STAU2: variants seen among roughly 807,000 people sequenced by gnomAD.
STAU2 encodes the protein double-stranded RNA-binding protein Staufen homolog 2.
A neutral mutation model predicts 65.9 loss-of-function variants in STAU2; 20 were observed. The ratio of observed to expected loss-of-function variants is 0.30; its 90% CI spans 0.21 to 0.44. The LOEUF is 0.44. Among genes scored for constraint, STAU2 ranks in the 20% least tolerant of loss-of-function variants. The probability of loss-of-function intolerance (pLI) is 1.00; values close to 1 mark genes in which losing one functional copy is unlikely to be tolerated. For synonymous variants in STAU2, 232 were observed against 233.9 expected, an observed-to-expected ratio of 0.99 and a Z score of 0.07; for missense variants, 558 against 683.9, an observed-to-expected ratio of 0.82 and a Z score of 2.05.
intron 6 of STAU2, among the ~76,000 whole-genome samples, chr8:73,623,458 T>A (rs1048748847): frequency 1.3e-5 from 2 of 152,174 alleles, no homozygotes; most frequent in Non-Finnish European, 2.9e-5. Context: ...TAAACATTCA[T>A]ATCTCCCCTA....
chr8:73,546,148 G>GTTTTTTTTTTTTTTTTTTTTT (rs1563412799), intron 13 of STAU2, among the ~76,000 whole-genome samples: 3 of 116,462 alleles, frequency 2.6e-5, no homozygotes, highest in African/African-American at 3.7e-5. Context: ...TTTTTTTTTG[G>GTTTTTTTTTTTTTTTTTTTTT]TAGAGACAGA....
chr8:73,601,000 A>C (rs1331616649), intron 10 of STAU2, among the ~76,000 whole-genome samples: 1 of 152,256 alleles, frequency 6.6e-6, no homozygotes, highest in East Asian at 1.9e-4. Flanking sequence ...AAGTAAGTTT[A>C]TAAATTTCAC....
At chr8:73,515,284 C>T (rs1822642911) in intron 13 of STAU2, among the ~76,000 whole-genome samples, 1 of 152,184 alleles carries the variant, frequency 6.6e-6, no homozygotes, top group African/African-American at 2.4e-5. Flanking sequence ...GAGGTAGCAG[C>T]TATTTGCCAT....
chr8:73,602,647 C>T (rs1811715602), intron 10 of STAU2, among the ~76,000 whole-genome samples: 1 of 149,082 alleles, frequency 6.7e-6, no homozygotes, highest in Non-Finnish European at 1.5e-5. Context: ...CTCTTGAGCC[C>T]AGGAAATCAA....
intron 5 of STAU2, among the ~76,000 whole-genome samples, chr8:73,674,184 C>T (rs1233026292): frequency 6.7e-6 from 1 of 149,070 alleles, no homozygotes; most frequent in Non-Finnish European, 1.5e-5. Flanking sequence ...TGAATGTACA[C>T]TGTTTCATAG....
rs867919149 is a variant in STAU2, at chr8:73,720,703, A to G, written c.-17-11541T>C. Among the ~76,000 whole-genome samples the G allele has an allele frequency of 5.9e-5, 6 of 102,100 alleles. 1 individual carries two copies. Among genetic ancestry groups the G allele is most frequent in the African/African-American group, 2.1e-4 (5 of 23,562 alleles). The allele number at this position is 102,100 out of a possible 152,430, so 67.0% of individuals were successfully genotyped here. On this transcript the variant is annotated intron_variant, in intron 3 of 14. Transcript: ENST00000524300. ...AATTTTTTGTATTTTTAGTAGAGAC[A>G]GGGTTTCACCTTGTTAACCAGGATG...
chr8:73,643,713 T>C (rs1815158532), intron 6 of STAU2, among the ~76,000 whole-genome samples: 1 of 152,228 alleles, frequency 6.6e-6, no homozygotes, highest in Admixed American at 6.5e-5. Context: ...AATGCCCCCA[T>C]GTTTGTTTTC....
intron 3 of STAU2, among the ~76,000 whole-genome samples, chr8:73,729,630 A>T (rs1219272105): frequency 6.6e-6 from 1 of 152,124 alleles, no homozygotes; most frequent in East Asian, 1.9e-4. Flanking sequence ...CCCAGGTTGG[A>T]GTGCAATGGC....
intron 11 of STAU2, among the ~76,000 whole-genome samples, chr8:73,590,159 G>GAATGAGAAGAAGAAAAGGTGGAGGAA (rs1810664858): frequency 6.8e-6 from 1 of 146,974 alleles, no homozygotes. Flanking sequence ...AAGAGGATAA[G>GAATGAGAAGAAGAAAAGGTGGAGGAA]AAGGAGAAGA....
chr8:73,710,539 T>A (rs907668483), intron 3 of STAU2, among the ~76,000 whole-genome samples: 2 of 152,080 alleles, frequency 1.3e-5, no homozygotes, highest in African/African-American at 4.8e-5. Context: ...AATAAATCTA[T>A]CCCGCTTAAG....
In STAU2 at chr8:73,615,775, T is replaced by C; in HGVS notation, c.578A>G (p.Glu193Gly). The change falls in exon 8 of 15, where the codon GAA (glutamate) becomes GGA (glycine). Residue 193 changes from glutamate to glycine, a missense_variant. Glu to Gly is a moderately conservative substitution (Grantham distance 98). Coordinates refer to ENST00000524300, the MANE Select transcript of STAU2 (RefSeq NM_001164380.2). ...PIPERSPQNG[E>G]SGKDVDDDKD... Reference sequence around the variant, plus strand: ...GTCATCATCCACATCCTTTCCTGATTCACCATTCTAAATCACAAAAAATAG... The same window carrying C: ...GTCATCATCCACATCCTTTCCTGATCCACCATTCTAAATCACAAAAAATAG... 4 of 1,610,084 alleles carry C rather than the reference T, an allele frequency of 2.5e-6. No homozygotes were observed. Among genetic ancestry groups the C allele is most frequent in the Non-Finnish European group, 3.4e-6 (4 of 1,177,396 alleles).
chr8:73,553,683 T>C (rs528854807), intron 12 of STAU2, among the ~76,000 whole-genome samples: 5 of 152,060 alleles, frequency 3.3e-5, no homozygotes, highest in African/African-American at 1.2e-4. Context: ...TGACCTGTCT[T>C]TGAGATTGAT....
chr8:73,421,475 T>C lies in STAU2; in HGVS notation c.1620-10A>G, dbSNP rs1396241843. On this transcript the variant is annotated splice_polypyrimidine_tract_variant and intron_variant, in intron 14 of 14. Coordinates refer to ENST00000524300, the MANE Select transcript of STAU2 (RefSeq NM_001164380.2). The stretch of plus-strand genomic sequence containing the variant: ...CAGATGCTTGGCTTGTCTGAAAGAT[T>C]AATACATTAACAAGAGCTGAAGGCC... 6.5e-7 allele frequency: 1 copy of C among 1,537,088 alleles called. No individual in the cohort carries two copies. Among genetic ancestry groups the C allele is most frequent in the Non-Finnish European group, 8.7e-7 (1 of 1,146,862 alleles).
intron 13 of STAU2, among the ~76,000 whole-genome samples, chr8:73,504,397 G>T (rs759256485): frequency 1.3e-5 from 2 of 152,074 alleles, no homozygotes; most frequent in Admixed American, 6.6e-5. Flanking sequence ...ATACTAAGTT[G>T]TCACAAAATA....
At chr8:73,747,386 C>T, upstream of STAU2, 2 of 1,535,418 alleles carry the variant, frequency 1.3e-6, no homozygotes, top group Non-Finnish European at 1.7e-6. Context: ...CCCGCTCGTA[C>T]CTTTCCCAGG....
intron 2 of STAU2, among the ~76,000 whole-genome samples, chr8:73,739,368 C>G (rs1806671021): frequency 6.6e-6 from 1 of 151,452 alleles, no homozygotes; most frequent in African/African-American, 2.4e-5. Context: ...ATATACAGAC[C>G]TCTCCCCTAA....
At chr8:73,523,034 A>G (rs1224932995) in intron 13 of STAU2, among the ~76,000 whole-genome samples, 2 of 151,922 alleles carry the variant, frequency 1.3e-5, no homozygotes, top group African/African-American at 2.4e-5. Context: ...CGTCTCTACT[A>G]AAAATACAAA....
At chr8:73,688,034 A>C (rs1819062491) in intron 5 of STAU2, among the ~76,000 whole-genome samples, 1 of 151,562 alleles carries the variant, frequency 6.6e-6, no homozygotes, top group Non-Finnish European at 1.5e-5. Context: ...ACTTTAAAAA[A>C]AAAAAACTCA....
At chr8:73,585,306 C>T (rs988847515) in intron 11 of STAU2, among the ~76,000 whole-genome samples, 18 of 152,152 alleles carry the variant, frequency 1.2e-4, no homozygotes, top group Admixed American at 1.2e-3. Context: ...CATGGAGAAA[C>T]CCCGTCTCTA....
Sources: allele counts gnomAD v4.1 joint callset (sites outside exome capture counted in the v4.1 genomes callset), GRCh38; gene constraint gnomAD v4.1.1; transcripts MANE v1.5; gene names NCBI Gene and HGNC (gene_info 2026-07-23, HGNC 2026-07-21).